The following GALNT17 variants were observed in gnomAD, a reference collection of about 807,000 sequenced individuals.
GALNT17 encodes polypeptide N-acetylgalactosaminyltransferase 17, also known as UDP-GalNAc:polypeptide N-acetylgalactosaminyltransferase-like 3.
GALNT17 carries 29 observed loss-of-function variants against 63.7 expected under a neutral mutation model. The observed-to-expected ratio is 0.46, with a 90% confidence interval of 0.34 to 0.62. The LOEUF (loss-of-function observed/expected upper bound fraction) is 0.62, where lower values mean the gene tolerates loss of function less well. GALNT17 is among the 20% of genes least tolerant of loss of function. The pLI is 0.01. For synonymous variants in GALNT17, 305 were observed against 318.3 expected (o/e 0.96, Z 0.45); for missense variants, 603 against 799.6 (o/e 0.75, Z 2.97).
intron 1 of GALNT17, among the ~76,000 whole-genome samples, chr7:71,310,398 T>A (rs1791395330): frequency 6.6e-6 from 1 of 152,210 alleles, no homozygotes; most frequent in African/African-American, 2.4e-5. Context: ...TCCGTGTGCC[T>A]ATTTGCATCT....
chr7:71,657,351 T>C (rs2037702), intron 6 of GALNT17, among the ~76,000 whole-genome samples: 150,117 of 152,356 alleles, frequency 0.99, 73,977 homozygotes, highest in East Asian at 1. Context: ...ATAAAGTAAA[T>C]ATATTGGAGA....
chr7:71,248,114 C>G (rs937214687), intron 1 of GALNT17, among the ~76,000 whole-genome samples: 4 of 152,110 alleles, frequency 2.6e-5, no homozygotes, highest in African/African-American at 9.7e-5. Flanking sequence ...CTGGGGAGGC[C>G]TCAGGAAACT....
intron 9 of GALNT17, among the ~76,000 whole-genome samples, chr7:71,683,789 C>T (rs552397162): frequency 6.6e-6 from 1 of 152,254 alleles, no homozygotes; most frequent in African/African-American, 2.4e-5. Flanking sequence ...GGGTGGATCA[C>T]TTCCAGTCAG....
chr7:71,448,045 T>C, intron 5 of GALNT17, among the ~76,000 whole-genome samples: 1 of 152,160 alleles, frequency 6.6e-6, no homozygotes, highest in Admixed American at 6.6e-5. Flanking sequence ...ATAACTATTT[T>C]TAGTGCTTGT....
intron 1 of GALNT17, among the ~76,000 whole-genome samples, chr7:71,303,563 A>T (rs894961233): frequency 1.3e-5 from 2 of 152,134 alleles, no homozygotes; most frequent in Non-Finnish European, 2.9e-5. Context: ...GGTCAAATAC[A>T]ACATTTTTCT....
At chr7:71,366,781 C>G (rs1008436022) in intron 2 of GALNT17, among the ~76,000 whole-genome samples, 2 of 152,108 alleles carry the variant, frequency 1.3e-5, no homozygotes, top group Non-Finnish European at 2.9e-5. Flanking sequence ...TATATGTCAC[C>G]CAACAGTACA....
At chr7:71,272,938 A>C (rs1232217133) in intron 1 of GALNT17, among the ~76,000 whole-genome samples, 3 of 152,138 alleles carry the variant, frequency 2.0e-5, no homozygotes, top group Non-Finnish European at 2.9e-5. Flanking sequence ...AAGAGCCTTG[A>C]AAGTTGAAAT....
rs1234063327 is a variant in GALNT17 at position 71,693,257 on chromosome 7, C to CATAT, written c.1500+15952_1500+15953insTATA. 1.5e-4 allele frequency among the ~76,000 whole-genome samples: 13 copies of CATAT among 86,138 alleles called. 1 individual carries two copies. Among genetic ancestry groups the CATAT allele is most frequent in the African/African-American group, 5.9e-4 (11 of 18,640 alleles). 56.5% of individuals were successfully genotyped at this position (86,138 alleles called of 152,430 possible). On this transcript the variant is annotated intron_variant, in intron 9 of 10. Transcript: ENST00000333538. Reference sequence around the variant, plus strand: ...ATATATACACATATATATACACACACACACATACACACACACACACACACA... The same window carrying CATAT: ...ATATATACACATATATATACACACACATATACACATACACACACACACACACACA...
chr7:71,373,247 A>G (rs1272311204), intron 2 of GALNT17, among the ~76,000 whole-genome samples: 1 of 152,180 alleles, frequency 6.6e-6, no homozygotes, highest in Non-Finnish European at 1.5e-5. Flanking sequence ...GTCCCTCTGT[A>G]ACAATCTGGG....
chr7:71,436,571 TAGTC>T (rs1482712346), intron 5 of GALNT17, among the ~76,000 whole-genome samples: 20 of 151,462 alleles, frequency 1.3e-4, no homozygotes, highest in African/African-American at 4.9e-4. Context: ...TACAAAAAAT[TAGTC>T]AGGGATCGTG....
rs973447277 is a variant in GALNT17, at chr7:71,157,764, C to G, written c.238+24724C>G. On this transcript the variant is annotated intron_variant, in intron 1 of 10. Transcript: ENST00000333538. ...AAATACATTTATATTCTTTTTTTCT[C>G]CACCATTCCTCCCTCCCTTTTTCCC... is the stretch of plus-strand genomic sequence containing the variant. 6.6e-5 allele frequency among the ~76,000 whole-genome samples: 10 copies of G among 151,544 alleles called. No homozygotes were observed. In the East Asian group the frequency reaches 1.9e-3, roughly 29 times the overall value.
intron 2 of GALNT17, among the ~76,000 whole-genome samples, chr7:71,354,879 A>G (rs1435876159): frequency 6.6e-6 from 1 of 152,156 alleles, no homozygotes; most frequent in African/African-American, 2.4e-5. Context: ...TCCTGAGGAA[A>G]TAGCTCTGTT....
intron 1 of GALNT17, among the ~76,000 whole-genome samples, chr7:71,246,927 C>G (rs1423215147): frequency 7.3e-6 from 1 of 136,932 alleles, no homozygotes; most frequent in Non-Finnish European, 1.5e-5. Flanking sequence ...AAATACTTGT[C>G]TGTACAATTG....
chr7:71,428,861 G>C (rs1289827269), intron 5 of GALNT17, among the ~76,000 whole-genome samples: 1 of 152,208 alleles, frequency 6.6e-6, no homozygotes. Flanking sequence ...GGGCTCCCCT[G>C]TGTTCCAGAG....
intron 2 of GALNT17, among the ~76,000 whole-genome samples, chr7:71,377,085 C>CAAAA (rs34111153): frequency 0.024 from 443 of 18,450 alleles, 46 homozygotes; most frequent in Non-Finnish European, 0.033. Flanking sequence ...TATTCCATCT[C>CAAAA]AAAAAAAAAA....
chr7:71,566,201 A>G (rs117538740), intron 5 of GALNT17, among the ~76,000 whole-genome samples: 303 of 152,192 alleles, frequency 2.0e-3, no homozygotes, highest in Non-Finnish European at 3.3e-3. Flanking sequence ...CTAAGGAGTT[A>G]TTGGGTTGAT....
chr7:71,188,509 G>A lies in GALNT17; in HGVS notation c.238+55469G>A, dbSNP rs191645985. Among the ~76,000 whole-genome samples, 109 of 152,218 alleles carry A rather than the reference G, an allele frequency of 7.2e-4. 1 individual carries two copies. In the East Asian group the frequency reaches 9.8e-3, roughly 14 times the overall value. On this transcript the variant is annotated intron_variant, in intron 1 of 10. Transcript: ENST00000333538. Reference sequence around the variant, plus strand: ...ATGCTGAGCATTTTTTCATATGTCTGTTGGCCATTTGTATATCTTCTTTTG... The same window carrying A: ...ATGCTGAGCATTTTTTCATATGTCTATTGGCCATTTGTATATCTTCTTTTG...
In GALNT17 at chr7:71,191,419, A is replaced by G. The variant is rs78463449; in HGVS notation, c.238+58379A>G. Reference sequence around the variant, plus strand: ...TTAAAAAAAGAAGCGGAAAATAAATATGGTAGACTTGCCAGGCACCAGATC... The same window carrying G: ...TTAAAAAAAGAAGCGGAAAATAAATGTGGTAGACTTGCCAGGCACCAGATC... On this transcript the variant is annotated intron_variant, in intron 1 of 10. Coordinates refer to ENST00000333538, the MANE Select transcript of GALNT17 (RefSeq NM_022479.3). Among the ~76,000 whole-genome samples, 533 of 152,004 alleles carry G rather than the reference A, an allele frequency of 3.5e-3. 4 individuals carry two copies. Among genetic ancestry groups the G allele is most frequent in the African/African-American group, 0.012 (513 of 41,414 alleles).
intron 1 of GALNT17, among the ~76,000 whole-genome samples, chr7:71,215,409 TTA>T (rs1157720682): frequency 6.6e-6 from 1 of 152,188 alleles, no homozygotes; most frequent in Non-Finnish European, 1.5e-5. Flanking sequence ...GTCTTGTATT[TTA>T]TGTTTTTTCC....
Sources: allele counts gnomAD v4.1 joint callset (sites outside exome capture counted in the v4.1 genomes callset), GRCh38; gene constraint gnomAD v4.1.1; transcripts MANE v1.5; gene names NCBI Gene and HGNC (gene_info 2026-07-23, HGNC 2026-07-21).